The following SLC22A24 variants were observed in gnomAD, a reference collection of about 807,000 sequenced individuals.
The protein encoded by SLC22A24 is solute carrier family 22 member 24, also known as steroid transmembrane transporter SLC22A24.
Under a neutral mutation model 49.8 loss-of-function variants are expected in SLC22A24, and 53 were observed. That is an observed-to-expected ratio of 1.06 (90% CI 0.85 to 1.34). The LOEUF (loss-of-function observed/expected upper bound fraction) is 1.34, where lower values mean the gene tolerates loss of function less well. Ranked by LOEUF, SLC22A24 falls within the 40% of genes most tolerant of loss-of-function variation. The probability of loss-of-function intolerance (pLI) is 0.00; values close to 1 mark genes in which losing one functional copy is unlikely to be tolerated. For missense variants in SLC22A24, 786 were observed against 675.9 expected, an observed-to-expected ratio of 1.16 and a Z score of -1.81; for synonymous variants, 302 against 256.4, an observed-to-expected ratio of 1.18 and a Z score of -1.70.
chr11:63,088,825 C>A (rs2087002272), intron 6 of SLC22A24, among the ~76,000 whole-genome samples: 1 of 151,708 alleles, frequency 6.6e-6, no homozygotes, highest in Admixed American at 6.6e-5. Context: ...TAAAGGATAT[C>A]AGAGAATGAA....
rs570483233 is a variant in SLC22A24, at chr11:63,118,691, A to T, written c.830+221T>A. 9.3e-6 allele frequency: 5 copies of T among 536,728 alleles called. No homozygotes were observed. In the African/African-American group the frequency reaches 9.4e-5, roughly 10 times the overall value. The allele number at this position is 536,728 out of a possible 1,614,324, so 33.2% of individuals were successfully genotyped here. ...TTTTTCTATTAAGAAAAATAATTTC[A>T]TGATAATTCCATGTCTAAAATAATG... On this transcript the variant is annotated intron_variant, in intron 4 of 9. Coordinates refer to ENST00000612278, the MANE Select transcript of SLC22A24 (RefSeq NM_001136506.2).
At chr11:63,097,741 T>G (rs190515718) in intron 5 of SLC22A24, among the ~76,000 whole-genome samples, 1 of 152,008 alleles carries the variant, frequency 6.6e-6, no homozygotes, top group East Asian at 1.9e-4. Context: ...CCATGAAAAA[T>G]AATGAGTTCA....
At chr11:63,082,454 T>C (rs2086965615) in intron 7 of SLC22A24, among the ~76,000 whole-genome samples, 1 of 152,212 alleles carries the variant, frequency 6.6e-6, no homozygotes, top group Non-Finnish European at 1.5e-5. Flanking sequence ...CCCACCAGTC[T>C]GGGAATCCTG....
chr11:63,106,186 G>T (rs182406963), intron 4 of SLC22A24, among the ~76,000 whole-genome samples: 225 of 146,784 alleles, frequency 1.5e-3, no homozygotes, highest in African/African-American at 5.0e-3. Context: ...GCGGTGTTTG[G>T]TTTTTTTGTC....
chr11:63,142,622 C>T (rs1366731704), intron 1 of SLC22A24, among the ~76,000 whole-genome samples: 1 of 152,104 alleles, frequency 6.6e-6, no homozygotes, highest in South Asian at 2.1e-4. Flanking sequence ...AGATTCTGAC[C>T]CTCCCTAAAC....
At chr11:63,124,034 T>A (rs2087271041) in intron 2 of SLC22A24, among the ~76,000 whole-genome samples, 1 of 151,878 alleles carries the variant, frequency 6.6e-6, no homozygotes, top group South Asian at 2.1e-4. Flanking sequence ...TTTGAGGGGG[T>A]GAAATTTAAA....
At chr11:63,093,859 AT>A (rs1306085573) in intron 6 of SLC22A24, among the ~76,000 whole-genome samples, 2 of 152,160 alleles carry the variant, frequency 1.3e-5, no homozygotes, top group African/African-American at 4.8e-5. Flanking sequence ...AGTTAAAAAA[AT>A]AAAATGCAAA....
intron 5 of SLC22A24, among the ~76,000 whole-genome samples, chr11:63,100,780 G>A (rs558820092): frequency 6.6e-6 from 1 of 152,102 alleles, no homozygotes; most frequent in South Asian, 2.1e-4. Context: ...TTTGACAAAG[G>A]TACTAAGAAA....
chr11:63,143,550 A>C lies in SLC22A24; in HGVS notation c.230T>G (p.Ile77Ser), dbSNP rs752661840. 2 of 1,583,650 alleles carry C rather than the reference A, an allele frequency of 1.3e-6. No homozygotes were observed. Among genetic ancestry groups the C allele is most frequent in the Non-Finnish European group, 1.7e-6 (2 of 1,166,686 alleles). The change falls in exon 1 of 10, where the codon ATC becomes AGC. Residue 77 changes from isoleucine (I) to serine (S), a missense_variant. Coordinates refer to ENST00000612278, the MANE Select transcript of SLC22A24 (RefSeq NM_001136506.2). ...TGGCCTCAGGTTTGAGTCCAGTGGG[A>C]TGGAGATTCTCAGGAGGTCATCCTT... Reference protein sequence around the residue: ...LSKDDLLRISIPLDSNLRPQK... With the variant: ...LSKDDLLRISSPLDSNLRPQK...
chr11:63,141,578 G>C (rs148601165), intron 1 of SLC22A24, among the ~76,000 whole-genome samples: 2,335 of 152,270 alleles, frequency 0.015, 27 homozygotes, highest in Middle Eastern at 0.054. Context: ...CAAGGTTCCT[G>C]ACCTGTGTTA....
At chr11:63,089,597 A>G (rs1190621892) in intron 6 of SLC22A24, among the ~76,000 whole-genome samples, 2 of 152,220 alleles carry the variant, frequency 1.3e-5, no homozygotes, top group South Asian at 2.1e-4. Context: ...AATGGGCTAA[A>G]TGCCTCAATT....
intron 2 of SLC22A24, among the ~76,000 whole-genome samples, chr11:63,124,797 T>C (rs890345936): frequency 7.2e-5 from 11 of 152,164 alleles, no homozygotes; most frequent in Non-Finnish European, 1.2e-4. Context: ...GTTCATGTCC[T>C]TTGTAGGGAC....
At chr11:63,121,813 C>T (rs967655171) in intron 2 of SLC22A24, among the ~76,000 whole-genome samples, 3 of 152,026 alleles carry the variant, frequency 2.0e-5, no homozygotes, top group South Asian at 2.1e-4. Flanking sequence ...CAACAGTCCC[C>T]GGAGTGTGAT....
At chr11:63,110,440 G>C (rs566062901) in intron 4 of SLC22A24, among the ~76,000 whole-genome samples, 16 of 150,760 alleles carry the variant, frequency 1.1e-4, no homozygotes, top group Admixed American at 1.1e-3. Flanking sequence ...ATCTTGGGCA[G>C]TATGGCCATT....
intron 6 of SLC22A24, among the ~76,000 whole-genome samples, chr11:63,088,371 A>ACAACATCAACATCAACATCAACAT (rs56306229): frequency 0.23 from 34,073 of 150,958 alleles, 4,654 homozygotes; most frequent in East Asian, 0.35. Context: ...ACAGAAAGCT[A>ACAACATCAACATCAACATCAACAT]CAACATCAAC....
rs1208836445 is a variant in SLC22A24 at position 63,080,948 on chromosome 11, G to A, written c.1570C>T (p.Pro524Ser). Residue 524 changes from proline to serine, a missense_variant, in exon 9 of 10, where the codon CCT becomes TCT. Physicochemically the swap from Pro to Ser is moderately conservative, Grantham distance 74. Transcript: ENST00000612278. Reference sequence around the variant, plus strand: ...TTTTCCACATCCTGGATGGTGTTAGGAAGAGGTAGATCCCTGGTTTCTGGA... The same window carrying A: ...TTTTCCACATCCTGGATGGTGTTAGAAAGAGGTAGATCCCTGGTTTCTGGA... The part of the protein sequence containing the change: ...LLPETRDLPL[P>S]NTIQDVENDR... 4.5e-6 allele frequency: 7 copies of A among 1,552,300 alleles called. No homozygotes were observed. The highest frequency in any genetic ancestry group is 6.1e-6 in the Non-Finnish European group (7 of 1,147,420).
intron 6 of SLC22A24, among the ~76,000 whole-genome samples, chr11:63,085,347 T>TGGAGCAGAAC (rs2086981272): frequency 6.6e-6 from 1 of 152,154 alleles, no homozygotes; most frequent in African/African-American, 2.4e-5. Context: ...ACAGAAGGCC[T>TGGAGCAGAAC]CCATTATCTT....
At chr11:63,089,105 C>T (rs948682728) in intron 6 of SLC22A24, among the ~76,000 whole-genome samples, 2 of 152,078 alleles carry the variant, frequency 1.3e-5, no homozygotes, top group Non-Finnish European at 2.9e-5. Flanking sequence ...GAAGAGCAAA[C>T]CCCAAGACAC....
At chr11:63,112,581 A>G (rs1044364942) in intron 4 of SLC22A24, among the ~76,000 whole-genome samples, 6 of 151,906 alleles carry the variant, frequency 3.9e-5, no homozygotes, top group South Asian at 4.2e-4. Flanking sequence ...GGATTCTTTG[A>G]TTTTTTGAAG....
Sources: gnomAD v4.1 joint callset for allele counts (sites outside exome capture counted in the v4.1 genomes callset) on GRCh38, gnomAD v4.1.1 for gene constraint, MANE v1.5 for transcripts, NCBI Gene and HGNC (gene_info 2026-07-23, HGNC 2026-07-21) for gene names.